RNF144A: variants seen among roughly 807,000 people sequenced by gnomAD.
RNF144A encodes ring finger protein 144A.
A neutral mutation model predicts 38.7 loss-of-function variants in RNF144A; 11 were observed. That is an observed-to-expected ratio of 0.28 (90% confidence interval 0.18 to 0.47). RNF144A has a LOEUF of 0.47. Ranked by LOEUF, RNF144A falls within the 20% of genes least tolerant of loss-of-function variation. The pLI is 0.99. For missense variants in RNF144A, 316 were observed against 377.2 expected, an observed-to-expected ratio of 0.84 and a Z score of 1.34; for synonymous variants, 149 against 143.9, an observed-to-expected ratio of 1.04 and a Z score of -0.25.
intron 1 of RNF144A, among the ~76,000 whole-genome samples, chr2:6,934,637 T>G (rs1252099867): frequency 6.6e-6 from 1 of 152,248 alleles, no homozygotes; most frequent in African/African-American, 2.4e-5. Context: ...GCCTAATCTT[T>G]TTTTCCCAGC....
intron 2 of RNF144A, among the ~76,000 whole-genome samples, chr2:6,985,921 A>G (rs79198485): frequency 1.3e-5 from 2 of 151,958 alleles, no homozygotes; most frequent in Non-Finnish European, 1.5e-5. Context: ...TGATCCGCCC[A>G]CCTCGGCCTC....
chr2:6,996,891 A>C, intron 2 of RNF144A, 25 bp from the exon 3 acceptor site: 1 of 1,605,674 alleles, frequency 6.2e-7, no homozygotes, highest in Non-Finnish European at 8.5e-7. Context: ...GGGAGGTCTG[A>C]CCTTCCGTGC....
At chr2:6,942,047 T>C (rs1358160023) in intron 2 of RNF144A, among the ~76,000 whole-genome samples, 2 of 152,258 alleles carry the variant, frequency 1.3e-5, no homozygotes, top group Admixed American at 6.5e-5. Context: ...CTCTGGCCTC[T>C]ACATTGAGAA....
chr2:7,064,475 A>G (rs1405591140), intron 6 of RNF144A, among the ~76,000 whole-genome samples: 1 of 152,220 alleles, frequency 6.6e-6, no homozygotes, highest in Admixed American at 6.5e-5. Flanking sequence ...GAACTCTTCT[A>G]TTGTGACTCC....
Position 7,051,256 on chromosome 2 carries a change from G to A in RNF144A, c.735-16960G>A, listed in dbSNP as rs75123881. On this transcript the variant is annotated intron_variant, in intron 6 of 6. Coordinates refer to the RNF144A transcript ENST00000432850. ...CAAACACACCCATGCAAGTAAAGCC[G>A]CAGACGCCCCAAGAGAGCTTGGCAA... 4.2e-3 allele frequency among the ~76,000 whole-genome samples: 645 copies of A among 152,254 alleles called. 10 individuals carry two copies. Among genetic ancestry groups the A allele is most frequent in the African/African-American group, 0.014 (602 of 41,526 alleles).
intron 3 of RNF144A, among the ~76,000 whole-genome samples, chr2:7,003,560 T>C (rs1025631505): frequency 5.9e-5 from 9 of 152,256 alleles, no homozygotes; most frequent in Admixed American, 2.6e-4. Flanking sequence ...CCCAGAGCAA[T>C]AGGCTGTGCC....
intron 2 of RNF144A, among the ~76,000 whole-genome samples, chr2:6,961,019 C>A (rs1054372169): frequency 6.6e-6 from 1 of 151,964 alleles, no homozygotes. Flanking sequence ...TCAGAAAAAT[C>A]TGCTTTGCTA....
chr2:6,996,168 A>T (rs1558416269), intron 2 of RNF144A, among the ~76,000 whole-genome samples: 2 of 151,188 alleles, frequency 1.3e-5, no homozygotes. Context: ...TGCCCTGAAA[A>T]CTCAAGCCTC....
At chr2:7,029,934 C>T (rs1181003327) in intron 7 of RNF144A, among the ~76,000 whole-genome samples, 192 bp from the exon 8 acceptor site, 1 of 152,222 alleles carries the variant, frequency 6.6e-6, no homozygotes, top group Non-Finnish European at 1.5e-5. Flanking sequence ...GAAGGGAGGC[C>T]CTGGGGAGGA....
At chr2:6,938,069 C>T (rs940593395) in intron 1 of RNF144A, among the ~76,000 whole-genome samples, 3 of 152,114 alleles carry the variant, frequency 2.0e-5, no homozygotes, top group African/African-American at 2.4e-5. Context: ...CTTTGCTTCC[C>T]GGACAGAAAT....
chr2:7,062,127 C>T (rs1673983573), intron 6 of RNF144A, among the ~76,000 whole-genome samples: 1 of 152,180 alleles, frequency 6.6e-6, no homozygotes, highest in East Asian at 1.9e-4. Flanking sequence ...TGGGCGCTCA[C>T]TGTGTCTTGA....
At position 7,051,354 on chromosome 2, in the gene RNF144A, T is replaced by C. The variant is rs78640712; in HGVS notation, c.735-16862T>C. Among the ~76,000 whole-genome samples the C allele has an allele frequency of 4.5e-3, 678 of 152,136 alleles. 5 individuals are homozygous for C. The highest frequency in any genetic ancestry group is 0.016 in the African/African-American group (654 of 41,494). ...GGAGCAGGTGGACGGGGTAGAGCGG[T>C]AAGGGACAGAGGGGATGCACTTTTT... is the stretch of plus-strand genomic sequence containing the variant. On this transcript the variant is annotated intron_variant, in intron 6 of 6. Coordinates refer to the RNF144A transcript ENST00000432850.
intron 3 of RNF144A, among the ~76,000 whole-genome samples, chr2:7,013,042 G>T (rs1670916090): frequency 6.6e-6 from 1 of 152,142 alleles, no homozygotes; most frequent in Non-Finnish European, 1.5e-5. Flanking sequence ...TCTGAGGATT[G>T]CCTTGATTTT....
intron 2 of RNF144A, among the ~76,000 whole-genome samples, chr2:6,956,884 C>T (rs1336505078): frequency 2.0e-5 from 3 of 152,226 alleles, no homozygotes; most frequent in African/African-American, 7.2e-5. Context: ...CTTTCCTTGT[C>T]TCAGACTGTA....
intron 1 of RNF144A, among the ~76,000 whole-genome samples, chr2:6,923,319 G>A (rs1311047989): frequency 6.6e-6 from 1 of 151,306 alleles, no homozygotes; most frequent in African/African-American, 2.4e-5. Context: ...CTTTTTTTTT[G>A]TTAACTTTCT....
rs1413763482 is a variant in RNF144A at position 7,030,122 on chromosome 2, A to G, written c.658-4A>G. On this transcript the variant is annotated splice_region_variant and splice_polypyrimidine_tract_variant and intron_variant, in intron 7 of 8. Transcript: ENST00000320892. The stretch of plus-strand genomic sequence containing the variant: ...CATGCCGTCTCTGTCTCTGCCCCTC[A>G]CAGGATGATTTCCTTCTGATACACT... The G allele has an allele frequency of 5.0e-6, 8 of 1,610,342 alleles. No homozygotes were observed. In the South Asian group the frequency reaches 7.7e-5, roughly 15 times the overall value.
intron 3 of RNF144A, among the ~76,000 whole-genome samples, chr2:7,004,809 C>T (rs116025950): frequency 0.015 from 2,276 of 152,216 alleles, 60 homozygotes; most frequent in African/African-American, 0.052. Flanking sequence ...TACTGTGTGG[C>T]GGTTGTGTTC....
chr2:7,012,994 G>GTTACA (rs779560458), intron 3 of RNF144A, among the ~76,000 whole-genome samples: 8 of 152,204 alleles, frequency 5.3e-5, no homozygotes, highest in Non-Finnish European at 7.3e-5. Context: ...TGTACTTGAA[G>GTTACA]TTACAGCTCT....
At chr2:6,982,148 T>G (rs1229388913) in intron 2 of RNF144A, among the ~76,000 whole-genome samples, 4 of 152,192 alleles carry the variant, frequency 2.6e-5, no homozygotes, top group Non-Finnish European at 5.9e-5. Flanking sequence ...GGGATTACAA[T>G]TCCAGATAAG....
Sources: allele counts gnomAD v4.1 joint callset (sites outside exome capture counted in the v4.1 genomes callset), GRCh38; gene constraint gnomAD v4.1.1; transcripts MANE v1.5; gene names NCBI Gene and HGNC (gene_info 2026-07-23, HGNC 2026-07-21).